Variants in TMIGD3 observed in about 807,000 individuals in gnomAD.
The protein encoded by TMIGD3 is AD026 protein (AD026).
In TMIGD3, 21 loss-of-function variants were observed where a neutral mutation model predicts 28.1. The ratio of observed to expected loss-of-function variants is 0.75; its 90% CI spans 0.53 to 1.08. TMIGD3 has a LOEUF of 1.08. Among genes scored for constraint, TMIGD3 ranks in the 50% least tolerant of loss-of-function variants. TMIGD3 has a pLI of 0.00. For missense variants in TMIGD3, 416 were observed against 435.6 expected (o/e 0.96, Z 0.40); for synonymous variants, 151 against 162.1 (o/e 0.93, Z 0.52).
At chr1:111,490,039 G>A (rs1278682410) in intron 2 of TMIGD3, among the ~76,000 whole-genome samples, 2 of 152,246 alleles carry the variant, frequency 1.3e-5, no homozygotes, top group Non-Finnish European at 1.5e-5. Flanking sequence ...AACCCCACAA[G>A]GAAGATAGCA....
chr1:111,551,102 T>G (rs561525173), intron 1 of TMIGD3, among the ~76,000 whole-genome samples: 2 of 152,354 alleles, frequency 1.3e-5, no homozygotes, highest in East Asian at 3.9e-4. Context: ...TTTCTCATTC[T>G]TTTACTTTCA....
At chr1:111,556,767 G>A (rs1657507333) in intron 1 of TMIGD3, among the ~76,000 whole-genome samples, 1 of 152,116 alleles carries the variant, frequency 6.6e-6, no homozygotes, top group African/African-American at 2.4e-5. Context: ...TGTTTAATGG[G>A]TATAAAGCTT....
rs375885681 is a variant in TMIGD3 at position 111,485,811 on chromosome 1, A to G, written c.902T>C (p.Ile301Thr). Residue 301 changes from isoleucine to threonine, a missense_variant, in exon 5 of 6, where the codon ATC becomes ACC. Ile to Thr is a moderately conservative substitution (Grantham distance 89). Coordinates refer to ENST00000369716, the MANE Select transcript of TMIGD3 (RefSeq NM_020683.7). ...RTSILIICIL[I>T]TGLGIISVIS... ...TACAGAGATGATTCCCAAACCCGTG[A>G]TCAGTATGCAAATGATGAGAATGGA... The G allele has an allele frequency of 1.2e-5, 20 of 1,612,516 alleles. No homozygotes were observed. Among genetic ancestry groups the G allele is most frequent in the African/African-American group, 2.7e-5 (2 of 74,446 alleles).
At chr1:111,504,791 T>G (rs1204771802), upstream of TMIGD3, 1 of 885,738 alleles carries the variant, frequency 1.1e-6, no homozygotes, top group Non-Finnish European at 1.4e-6. Flanking sequence ...TGATCTGCTC[T>G]GGCATCATTC....
At chr1:111,550,879 C>T (rs181991915) in intron 1 of TMIGD3, among the ~76,000 whole-genome samples, 1 of 152,262 alleles carries the variant, frequency 6.6e-6, no homozygotes, top group East Asian at 1.9e-4. Context: ...TGTGGCCTGT[C>T]TTATAGTTTA....
intron 1 of TMIGD3, chr1:111,501,156 C>A: frequency 6.5e-6 from 1 of 152,990 alleles, no homozygotes. Flanking sequence ...TGCAGATTCT[C>A]ATAAATTATA....
At chr1:111,541,776 G>T (rs1194240550) in intron 1 of TMIGD3, among the ~76,000 whole-genome samples, 1 of 152,102 alleles carries the variant, frequency 6.6e-6, no homozygotes, top group East Asian at 1.9e-4. Context: ...GGGGACGAGG[G>T]GCCCGTAAAA....
chr1:111,492,544 G>A (rs530656118), intron 1 of TMIGD3, among the ~76,000 whole-genome samples: 9 of 152,168 alleles, frequency 5.9e-5, no homozygotes, highest in East Asian at 1.9e-4. Context: ...AGCCAGGCAC[G>A]GTGGCTCACG....
intron 1 of TMIGD3, among the ~76,000 whole-genome samples, chr1:111,543,603 GAGGAGGAGGAAGAGAAGGAGGAAT>G (rs11270926): frequency 0.96 from 139,623 of 146,054 alleles, 67,046 homozygotes; most frequent in Non-Finnish European, 1. Context: ...CTGTCTTAAG[GAGGAGGAGGAAGAGAAGGAGGAAT>G]AGGAGGAGGA....
intron 1 of TMIGD3, chr1:111,499,522 C>A: frequency 1.0e-6 from 1 of 998,188 alleles, no homozygotes; most frequent in South Asian, 4.4e-5. Flanking sequence ...CTGTTCCCAA[C>A]ATCTCCTAGG....
chr1:111,549,649 CAAAA>C (rs370585012), intron 1 of TMIGD3, among the ~76,000 whole-genome samples: 2 of 94,412 alleles, frequency 2.1e-5, no homozygotes. Flanking sequence ...GACTCTGTTT[CAAAA>C]AAAAAAAAAA....
intron 1 of TMIGD3, among the ~76,000 whole-genome samples, chr1:111,562,727 T>C (rs923592443): frequency 2.6e-5 from 4 of 152,242 alleles, no homozygotes; most frequent in African/African-American, 9.6e-5. Context: ...TGCTGTTTAC[T>C]TCTCTGCCTG....
intron 1 of TMIGD3, among the ~76,000 whole-genome samples, chr1:111,520,867 T>C (rs970616408): frequency 6.6e-6 from 1 of 152,238 alleles, no homozygotes; most frequent in African/African-American, 2.4e-5. Context: ...ATGCAATAAA[T>C]TGCATATATT....
upstream of TMIGD3, chr1:111,504,082 T>G (rs1014385334): frequency 1.0e-6 from 1 of 985,328 alleles, no homozygotes; most frequent in African/African-American, 1.7e-5. Flanking sequence ...AGTTGACGCT[T>G]TGCTGAGCAC....
At chr1:111,560,849 C>G (rs1347368386) in intron 1 of TMIGD3, among the ~76,000 whole-genome samples, 2 of 152,156 alleles carry the variant, frequency 1.3e-5, no homozygotes, top group African/African-American at 4.8e-5. Flanking sequence ...GCCAATTTCT[C>G]TCCATCCTCC....
chr1:111,526,608 A>G (rs1401867752), intron 1 of TMIGD3, among the ~76,000 whole-genome samples: 1 of 152,206 alleles, frequency 6.6e-6, no homozygotes, highest in Non-Finnish European at 1.5e-5. Context: ...TGGCACATTT[A>G]TTACAATGAA....
At chr1:111,515,837 T>C (rs1655845461) in intron 1 of TMIGD3, among the ~76,000 whole-genome samples, 4 of 152,176 alleles carry the variant, frequency 2.6e-5, no homozygotes. Flanking sequence ...GACGCACTCC[T>C]CCGGAACTCC....
At chr1:111,494,461 A>G (rs1654801462) in intron 1 of TMIGD3, among the ~76,000 whole-genome samples, 1 of 152,252 alleles carries the variant, frequency 6.6e-6, no homozygotes, top group South Asian at 2.1e-4. Flanking sequence ...TCCCATTCAC[A>G]ATTGCCACAA....
upstream of TMIGD3, among the ~76,000 whole-genome samples, chr1:111,506,738 A>G (rs1655502586): frequency 2.6e-5 from 4 of 152,056 alleles, no homozygotes; most frequent in Admixed American, 2.6e-4. Context: ...AGTATAATGT[A>G]GATTTGGCAA....
Sources: allele counts gnomAD v4.1 joint callset (sites outside exome capture counted in the v4.1 genomes callset), GRCh38; gene constraint gnomAD v4.1.1; transcripts MANE v1.5; gene names NCBI Gene and HGNC (gene_info 2026-07-23, HGNC 2026-07-21).